The following ITFG1 variants were observed in gnomAD, a reference collection of about 807,000 sequenced individuals.
ITFG1 encodes T-cell immunomodulatory protein.
ITFG1 carries 34 observed loss-of-function variants against 81.8 expected under a neutral mutation model. That is an observed-to-expected ratio of 0.42 (90% CI 0.32 to 0.55). The LOEUF (loss-of-function observed/expected upper bound fraction) is 0.55. Ranked by LOEUF, ITFG1 falls within the 20% of genes least tolerant of loss-of-function variation. The probability of loss-of-function intolerance (pLI) is 0.17; values close to 1 mark genes in which losing one functional copy is unlikely to be tolerated. For missense variants in ITFG1, 672 were observed against 755.4 expected (o/e 0.89, Z 1.29); for synonymous variants, 285 against 270.6 (o/e 1.05, Z -0.52).
chr16:47,169,438 TA>T (rs1964932883), intron 14 of ITFG1, among the ~76,000 whole-genome samples: 2 of 152,168 alleles, frequency 1.3e-5, no homozygotes, highest in East Asian at 3.8e-4. Flanking sequence ...CTAGGTGTTT[TA>T]CTCTTCTAAA....
intron 14 of ITFG1, among the ~76,000 whole-genome samples, chr16:47,200,793 G>C (rs1023669031): frequency 6.6e-6 from 1 of 152,162 alleles, no homozygotes; most frequent in African/African-American, 2.4e-5. Flanking sequence ...TGAAACTTTG[G>C]TGGTGGGGCC....
At chr16:47,354,569 A>G (rs1415557156) in intron 8 of ITFG1, among the ~76,000 whole-genome samples, 2 of 152,174 alleles carry the variant, frequency 1.3e-5, no homozygotes, top group African/African-American at 4.8e-5. Context: ...ACAGCTAACT[A>G]AAAAGCTTCT....
rs544488209 is a variant in ITFG1 at position 47,166,729 on chromosome 16, C to A, written c.1454-4065G>T. On this transcript the variant is annotated intron_variant, in intron 14 of 17. Transcript: ENST00000320640. ...ATATTGTTGGAGGTAAAGGAATTTTCCTAATCCTTCACTATTAAAAAAAGA... is the reference window on the plus strand; with the variant it reads ...ATATTGTTGGAGGTAAAGGAATTTTACTAATCCTTCACTATTAAAAAAAGA... Among the ~76,000 whole-genome samples, 9 of 150,968 alleles carry A rather than the reference C, an allele frequency of 6.0e-5. No homozygotes were observed. The East Asian group carries it at 1.8e-3, about 29-fold the overall frequency.
intron 8 of ITFG1, among the ~76,000 whole-genome samples, chr16:47,355,630 T>C (rs903516696): frequency 2.6e-5 from 4 of 152,198 alleles, no homozygotes; most frequent in African/African-American, 9.6e-5. Flanking sequence ...AAACATCACA[T>C]TGTATCCCAC....
intron 10 of ITFG1, among the ~76,000 whole-genome samples, chr16:47,302,207 T>C (rs528823481): frequency 6.6e-6 from 1 of 152,332 alleles, no homozygotes; most frequent in South Asian, 2.1e-4. Flanking sequence ...TTGCTTTTTT[T>C]CTATTAACGG....
rs747170277 is a variant in ITFG1 at position 47,260,636 on chromosome 16, G to A, written c.1130C>T (p.Ala377Val). Reference sequence around the variant, plus strand: ...CCAGTAGACTTTAAACATTCGACGCGCCTCTTCACAGCTTGCATTATTACA... The same window carrying A: ...CCAGTAGACTTTAAACATTCGACGCACCTCTTCACAGCTTGCATTATTACA... The part of the protein sequence containing the change: ...VPCNNASCEE[A>V]RRMFKVYWEL... Residue 377 changes from alanine to valine, a missense_variant, in exon 11 of 18, where the codon GCG becomes GTG. By Grantham distance (64) the Ala-to-Val change is moderately conservative (BLOSUM62 0). Coordinates refer to ENST00000320640, the MANE Select transcript of ITFG1 (RefSeq NM_030790.5). 3.7e-5 allele frequency: 60 copies of A among 1,613,908 alleles called. 1 individual carries two copies. The highest frequency in any genetic ancestry group is 3.3e-4 in the Middle Eastern group (2 of 6,084).
intron 10 of ITFG1, among the ~76,000 whole-genome samples, chr16:47,303,524 C>T (rs1293805385): frequency 2.0e-5 from 3 of 152,076 alleles, no homozygotes; most frequent in Non-Finnish European, 4.4e-5. Flanking sequence ...AGTGAGGATC[C>T]GGAAAGATTT....
At chr16:47,238,137 C>A in intron 12 of ITFG1, 129 bp from the exon 13 acceptor site, 1 of 593,960 alleles carries the variant, frequency 1.7e-6, no homozygotes, top group Non-Finnish European at 3.0e-6. Context: ...AATTCAATTT[C>A]TTTAGATCTG....
chr16:47,298,586 C>A (rs1218004354), intron 10 of ITFG1, among the ~76,000 whole-genome samples: 1 of 152,010 alleles, frequency 6.6e-6, no homozygotes, highest in Non-Finnish European at 1.5e-5. Context: ...TTAAAAATAG[C>A]TTTAATGTGG....
chr16:47,459,226 C>T, intron 1 of ITFG1, 51 bp from the exon 2 acceptor site: 1 of 1,201,388 alleles, frequency 8.3e-7, no homozygotes, highest in Non-Finnish European at 1.2e-6. Context: ...GATAAGATAT[C>T]TAATCAGTGG....
At chr16:47,452,587 A>G in intron 4 of ITFG1, 146 bp downstream of exon 4, 1 of 604,724 alleles carries the variant, frequency 1.7e-6, no homozygotes, top group Middle Eastern at 4.4e-4. Context: ...GTCCTATCTG[A>G]TGGCAAATAA....
chr16:47,182,927 G>A (rs571066434), intron 14 of ITFG1, among the ~76,000 whole-genome samples: 3 of 152,180 alleles, frequency 2.0e-5, no homozygotes, highest in South Asian at 2.1e-4. Context: ...GTGCGCGAGC[G>A]GAAGCAGGGC....
chr16:47,290,975 C>T (rs1966897991), intron 10 of ITFG1, among the ~76,000 whole-genome samples: 1 of 151,266 alleles, frequency 6.6e-6, no homozygotes, highest in South Asian at 2.1e-4. Context: ...AATATCTGTT[C>T]TATTATCTTT....
chr16:47,249,067 T>C (rs917611181), intron 12 of ITFG1, among the ~76,000 whole-genome samples: 11 of 152,366 alleles, frequency 7.2e-5, no homozygotes, highest in Non-Finnish European at 1.3e-4. Context: ...TGGCTAACTC[T>C]AGAAGTTTAA....
At chr16:47,410,215 G>T (rs913315504) in intron 6 of ITFG1, among the ~76,000 whole-genome samples, 2 of 152,092 alleles carry the variant, frequency 1.3e-5, no homozygotes, top group African/African-American at 4.8e-5. Context: ...GGAGGTTGAG[G>T]CTCCTGTGAG....
At position 47,293,455 on chromosome 16, in the gene ITFG1, A is replaced by C. The variant is rs1256835638; in HGVS notation, c.1070+17785T>G. Reference sequence around the variant, plus strand: ...AACTGATTTCTATACAGGTGTACTAATAAACATTCATACCAACAGCATATA... The same window carrying C: ...AACTGATTTCTATACAGGTGTACTACTAAACATTCATACCAACAGCATATA... On this transcript the variant is annotated intron_variant, in intron 10 of 17. Transcript: ENST00000320640. 3.9e-5 allele frequency among the ~76,000 whole-genome samples: 6 copies of C among 152,122 alleles called. No homozygotes were observed. In the East Asian group the frequency reaches 1.2e-3, roughly 29 times the overall value.
intron 8 of ITFG1, among the ~76,000 whole-genome samples, chr16:47,353,514 C>G (rs931807729): frequency 6.6e-6 from 1 of 151,870 alleles, no homozygotes; most frequent in African/African-American, 2.4e-5. Context: ...CCCAGTTTCA[C>G]CACTTGTATT....
At chr16:47,400,818 A>G (rs1348466401) in intron 6 of ITFG1, among the ~76,000 whole-genome samples, 3 of 152,170 alleles carry the variant, frequency 2.0e-5, no homozygotes, top group Admixed American at 2.0e-4. Flanking sequence ...TGGGGGTTCA[A>G]GAGAGTTACG....
intron 10 of ITFG1, among the ~76,000 whole-genome samples, chr16:47,272,476 ATC>A (rs1351198146): frequency 6.7e-6 from 1 of 150,100 alleles, no homozygotes; most frequent in Admixed American, 6.6e-5. Context: ...GTTCACCGCA[ATC>A]TCTGCCTCCC....
Sources: gnomAD v4.1 joint callset for allele counts (sites outside exome capture counted in the v4.1 genomes callset) on GRCh38, gnomAD v4.1.1 for gene constraint, MANE v1.5 for transcripts, NCBI Gene and HGNC (gene_info 2026-07-23, HGNC 2026-07-21) for gene names.